COMMD10: variants seen among roughly 807,000 people sequenced by gnomAD.
The protein encoded by COMMD10 is COMM domain-containing protein 10.
A neutral mutation model predicts 28.9 loss-of-function variants in COMMD10; 33 were observed. The ratio of observed to expected loss-of-function variants is 1.14; its 90% CI spans 0.87 to 1.53. The LOEUF (loss-of-function observed/expected upper bound fraction) is 1.53, where lower values mean the gene tolerates loss of function less well. Ranked by LOEUF, COMMD10 falls within the 40% of genes most tolerant of loss-of-function variation. COMMD10 has a pLI of 0.00. For missense variants in COMMD10, 310 were observed against 233.4 expected (o/e 1.33, Z -2.14); for synonymous variants, 110 against 81.7 (o/e 1.35, Z -1.87).
chr5:116,102,809 C>G (rs1750709124), intron 4 of COMMD10, among the ~76,000 whole-genome samples: 1 of 152,120 alleles, frequency 6.6e-6, no homozygotes, highest in Non-Finnish European at 1.5e-5. Flanking sequence ...AATGCTATCC[C>G]TCCACCAGCC....
intron 5 of COMMD10, among the ~76,000 whole-genome samples, chr5:116,138,516 ACAT>A (rs1752100695): frequency 1.3e-5 from 2 of 151,736 alleles, no homozygotes; most frequent in Non-Finnish European, 3.0e-5. Flanking sequence ...TAATCTTAGT[ACAT>A]TTTTTTCCCC....
intron 4 of COMMD10, among the ~76,000 whole-genome samples, chr5:116,107,930 T>G (rs1750896912): frequency 6.6e-6 from 1 of 152,226 alleles, no homozygotes; most frequent in Non-Finnish European, 1.5e-5. Context: ...TCCTTCTAAC[T>G]GTCAGGCCCT....
chr5:116,282,061 A>T (rs1009873760), intron 5 of COMMD10, among the ~76,000 whole-genome samples: 6 of 151,982 alleles, frequency 3.9e-5, no homozygotes, highest in Non-Finnish European at 8.8e-5. Flanking sequence ...TCTTGCAGAT[A>T]TATCAAGCTA....
At chr5:116,189,104 G>C (rs1163691897) in intron 5 of COMMD10, among the ~76,000 whole-genome samples, 1 of 152,148 alleles carries the variant, frequency 6.6e-6, no homozygotes, top group Non-Finnish European at 1.5e-5. Context: ...CTCTGTGGAA[G>C]CCAAAGTGGG....
chr5:116,250,470 G>C (rs116537978), intron 5 of COMMD10, among the ~76,000 whole-genome samples: 1 of 151,386 alleles, frequency 6.6e-6, no homozygotes, highest in Non-Finnish European at 1.5e-5. Flanking sequence ...GAAGTAGTTT[G>C]GCTAAAAAGG....
intron 5 of COMMD10, among the ~76,000 whole-genome samples, chr5:116,228,726 G>A (rs182517814): frequency 6.6e-6 from 1 of 151,894 alleles, no homozygotes; most frequent in Non-Finnish European, 1.5e-5. Flanking sequence ...TTCCTTTCAA[G>A]CTTATTAAAA....
chr5:116,203,039 A>C (rs1036182890), intron 5 of COMMD10, among the ~76,000 whole-genome samples: 1 of 151,930 alleles, frequency 6.6e-6, no homozygotes, highest in Non-Finnish European at 1.5e-5. Context: ...TTAAGTCTTG[A>C]ATCCATCTTG....
intron 5 of COMMD10, among the ~76,000 whole-genome samples, chr5:116,196,335 A>C (rs1561661929): frequency 6.6e-6 from 1 of 152,102 alleles, no homozygotes; most frequent in African/African-American, 2.4e-5. Context: ...GTGGACTTCG[A>C]GGACTTGGGG....
intron 5 of COMMD10, among the ~76,000 whole-genome samples, chr5:116,233,259 T>C (rs1439173241): frequency 2.6e-5 from 4 of 152,134 alleles, no homozygotes; most frequent in Non-Finnish European, 4.4e-5. Context: ...TATATAGTTA[T>C]AATTATTCTA....
At chr5:116,251,591 A>G (rs1367203013) in intron 5 of COMMD10, among the ~76,000 whole-genome samples, 14 of 150,584 alleles carry the variant, frequency 9.3e-5, no homozygotes, top group Admixed American at 2.7e-4. Context: ...ATGATTTCCA[A>G]TTTCATCCAT....
intron 5 of COMMD10, among the ~76,000 whole-genome samples, chr5:116,203,527 C>G (rs1415111993): frequency 6.6e-6 from 1 of 152,132 alleles, no homozygotes; most frequent in Non-Finnish European, 1.5e-5. Flanking sequence ...GCCCATCAGA[C>G]TAACAGCGGA....
intron 5 of COMMD10, among the ~76,000 whole-genome samples, chr5:116,164,070 A>G (rs1580507992): frequency 6.6e-6 from 1 of 152,144 alleles, no homozygotes; most frequent in African/African-American, 2.4e-5. Flanking sequence ...TAATCCCAGC[A>G]TTTTGGGAAG....
chr5:116,185,509 T>C (rs539416542), intron 5 of COMMD10, among the ~76,000 whole-genome samples: 1 of 151,952 alleles, frequency 6.6e-6, no homozygotes, highest in African/African-American at 2.4e-5. Context: ...GATGCCACCC[T>C]GCTTTCTCCT....
intron 5 of COMMD10, among the ~76,000 whole-genome samples, chr5:116,279,696 C>T (rs556959839): frequency 3.3e-5 from 5 of 151,822 alleles, no homozygotes; most frequent in South Asian, 2.1e-4. Context: ...TTTAACTTGG[C>T]AATGGTATTG....
intron 5 of COMMD10, among the ~76,000 whole-genome samples, chr5:116,278,952 C>T (rs1015400517): frequency 6.6e-6 from 1 of 151,772 alleles, no homozygotes; most frequent in African/African-American, 2.4e-5. Flanking sequence ...TAGACAAAAT[C>T]CACTTATTCT....
chr5:116,256,866 T>G (rs1750302798), intron 5 of COMMD10, among the ~76,000 whole-genome samples: 1 of 151,784 alleles, frequency 6.6e-6, no homozygotes, highest in African/African-American at 2.4e-5. Context: ...CTCTGTGGTG[T>G]TTGGCATCAC....
At chr5:116,161,004 C>G (rs1191779360) in intron 5 of COMMD10, among the ~76,000 whole-genome samples, 1 of 151,800 alleles carries the variant, frequency 6.6e-6, no homozygotes. Context: ...AAAAATAATA[C>G]TGATGGTAAA....
intron 5 of COMMD10, among the ~76,000 whole-genome samples, chr5:116,186,035 G>GA (rs1748125144): frequency 6.6e-6 from 1 of 152,022 alleles, no homozygotes; most frequent in African/African-American, 2.4e-5. Flanking sequence ...GTCTGGGTTC[G>GA]ACCCCTTTTA....
intron 5 of COMMD10, among the ~76,000 whole-genome samples, chr5:116,138,577 C>A (rs962438471): frequency 6.6e-6 from 1 of 151,684 alleles, no homozygotes; most frequent in Non-Finnish European, 1.5e-5. Context: ...TACAGGGATT[C>A]CAAATTTTAT....
Sources: allele counts gnomAD v4.1 joint callset (sites outside exome capture counted in the v4.1 genomes callset), GRCh38; gene constraint gnomAD v4.1.1; transcripts MANE v1.5; gene names NCBI Gene and HGNC (gene_info 2026-07-23, HGNC 2026-07-21).